Variants in CTNNA3 observed in about 807,000 individuals in gnomAD.
CTNNA3 encodes catenin alpha 3.
A neutral mutation model predicts 95.7 loss-of-function variants in CTNNA3; 76 were observed. That is an observed-to-expected ratio of 0.79 (90% CI 0.66 to 0.96). CTNNA3 has a LOEUF of 0.96. Ranked by LOEUF, CTNNA3 falls within the 40% of genes least tolerant of loss-of-function variation. The probability of loss-of-function intolerance (pLI) is 0.00; values close to 1 mark genes in which losing one functional copy is unlikely to be tolerated. For synonymous variants in CTNNA3, 431 were observed against 374.4 expected (o/e 1.15, Z -1.74); for missense variants, 1,191 against 1,089.8 (o/e 1.09, Z -1.31).
At chr10:66,754,092 A>G (rs1425947142) in intron 9 of CTNNA3, among the ~76,000 whole-genome samples, 2 of 152,220 alleles carry the variant, frequency 1.3e-5, no homozygotes, top group East Asian at 3.8e-4. Context: ...TGGAAAGAAG[A>G]ACGATACTGG....
At chr10:67,680,840 T>C (rs1407264748) in intron 1 of CTNNA3, among the ~76,000 whole-genome samples, 1 of 152,160 alleles carries the variant, frequency 6.6e-6, no homozygotes, top group Non-Finnish European at 1.5e-5. Context: ...AAAAGAGCAG[T>C]ATAGAGATCT....
At chr10:66,787,632 A>T (rs1182525523) in intron 7 of CTNNA3, among the ~76,000 whole-genome samples, 1 of 152,122 alleles carries the variant, frequency 6.6e-6, no homozygotes, top group Non-Finnish European at 1.5e-5. Flanking sequence ...TGTAGTTCGA[A>T]GGGGAGGAGG....
At chr10:66,179,503 A>G (rs2085925044) in intron 13 of CTNNA3, among the ~76,000 whole-genome samples, 4 of 152,030 alleles carry the variant, frequency 2.6e-5, no homozygotes, top group Admixed American at 1.3e-4. Context: ...ATCGCTTTGC[A>G]AGGTGTTATT....
intron 7 of CTNNA3, among the ~76,000 whole-genome samples, chr10:67,008,568 C>T (rs1477895049): frequency 6.6e-6 from 1 of 152,106 alleles, no homozygotes; most frequent in Non-Finnish European, 1.5e-5. Context: ...CAATTCTCAT[C>T]GGGGCTGGCC....
At chr10:67,605,530 CA>C (rs1228024608) in intron 3 of CTNNA3, among the ~76,000 whole-genome samples, 1 of 151,780 alleles carries the variant, frequency 6.6e-6, no homozygotes, top group East Asian at 1.9e-4. Context: ...GCTACACACA[CA>C]AAAAAATGGG....
intron 15 of CTNNA3, among the ~76,000 whole-genome samples, chr10:66,058,955 CTTGTG>C (rs779689660): frequency 1.3e-5 from 2 of 152,066 alleles, no homozygotes; most frequent in East Asian, 3.9e-4. Flanking sequence ...TATGGTTAGA[CTTGTG>C]TTATAATTGA....
chr10:66,883,129 T>C (rs1844909166), intron 7 of CTNNA3, among the ~76,000 whole-genome samples: 1 of 152,114 alleles, frequency 6.6e-6, no homozygotes, highest in African/African-American at 2.4e-5. Flanking sequence ...GTTGATTCAC[T>C]GTACTGCAAG....
intron 12 of CTNNA3, among the ~76,000 whole-genome samples, chr10:66,350,762 G>A (rs1239475858): frequency 6.6e-6 from 1 of 151,938 alleles, no homozygotes; most frequent in Non-Finnish European, 1.5e-5. Context: ...ACAAGTTGGA[G>A]GAATGAGTTT....
chr10:67,478,439 G>A (rs1396813837), intron 5 of CTNNA3, among the ~76,000 whole-genome samples: 1 of 152,158 alleles, frequency 6.6e-6, no homozygotes, highest in Non-Finnish European at 1.5e-5. Context: ...AGACTTCTCA[G>A]CAGAAAATTT....
intron 15 of CTNNA3, among the ~76,000 whole-genome samples, chr10:66,021,446 CG>C (rs2079205373): frequency 6.6e-6 from 1 of 151,374 alleles, no homozygotes; most frequent in Admixed American, 6.6e-5. Context: ...TTATTGCTGT[CG>C]GTACTTATAA....
At chr10:67,579,323 G>A (rs1481006524) in intron 3 of CTNNA3, among the ~76,000 whole-genome samples, 2 of 150,800 alleles carry the variant, frequency 1.3e-5, no homozygotes, top group Non-Finnish European at 2.9e-5. Context: ...CTGTCCTTGC[G>A]ATAGTTTGCT....
chr10:67,479,343 T>C (rs898345057), intron 5 of CTNNA3, among the ~76,000 whole-genome samples: 1 of 152,140 alleles, frequency 6.6e-6, no homozygotes, highest in Admixed American at 6.5e-5. Flanking sequence ...ATTGACCACA[T>C]GCTCAGCAAT....
At chr10:67,636,675 G>C (rs1839323816) in intron 2 of CTNNA3, among the ~76,000 whole-genome samples, 1 of 152,154 alleles carries the variant, frequency 6.6e-6, no homozygotes, top group Middle Eastern at 3.4e-3. Flanking sequence ...TAACCCAGAG[G>C]AAAGATCAGG....
intron 7 of CTNNA3, among the ~76,000 whole-genome samples, chr10:67,026,716 A>G (rs1853412035): frequency 6.6e-6 from 1 of 152,210 alleles, no homozygotes; most frequent in Admixed American, 6.5e-5. Flanking sequence ...GAAAAAGTAT[A>G]TTAACGTTCA....
intron 5 of CTNNA3, among the ~76,000 whole-genome samples, chr10:67,431,083 G>A (rs965843077): frequency 1.3e-5 from 2 of 151,926 alleles, no homozygotes; most frequent in Non-Finnish European, 2.9e-5. Context: ...CTATTGTCCT[G>A]TTGCTCCTGC....
rs78082658 is a variant in CTNNA3 at position 66,030,310 on chromosome 10, A to G, written c.2159+38998T>C. On this transcript the variant is annotated intron_variant, in intron 15 of 17. Transcript: ENST00000433211. ...AAAGCAGAAAACATCACATTACTAA[A>G]CTTTATACTACAAGGCTACAGTAAC... 9.7e-4 allele frequency among the ~76,000 whole-genome samples: 147 copies of G among 152,300 alleles called. 1 individual carries two copies. The highest frequency in any genetic ancestry group is 3.3e-3 in the African/African-American group (138 of 41,578).
chr10:66,100,055 C>T (rs2081556118), intron 14 of CTNNA3, among the ~76,000 whole-genome samples: 1 of 151,872 alleles, frequency 6.6e-6, no homozygotes, highest in Admixed American at 6.6e-5. Context: ...TTATTTTCTT[C>T]CAATAAGCAG....
chr10:67,617,981 TAAATATTTCAAAAAATGAGAAGA>T (rs1356521391), intron 2 of CTNNA3, among the ~76,000 whole-genome samples: 2 of 151,942 alleles, frequency 1.3e-5, no homozygotes, highest in African/African-American at 4.8e-5. Flanking sequence ...TTTCTACAAA[TAAATATTTCAAAAAATGAGAAGA>T]AAAACTATAA....
intron 10 of CTNNA3, among the ~76,000 whole-genome samples, chr10:66,588,576 C>T (rs922883979): frequency 3.9e-5 from 6 of 152,072 alleles, no homozygotes; most frequent in Non-Finnish European, 8.8e-5. Flanking sequence ...GAGAAGTCTG[C>T]TGTTAGTCTG....
Sources: gnomAD v4.1 joint callset for allele counts (sites outside exome capture counted in the v4.1 genomes callset) on GRCh38, gnomAD v4.1.1 for gene constraint, MANE v1.5 for transcripts, NCBI Gene and HGNC (gene_info 2026-07-23, HGNC 2026-07-21) for gene names.